Variants in ZNF560 observed in about 807,000 individuals in gnomAD.
The protein encoded by ZNF560 is zinc finger protein 560.
A neutral mutation model predicts 81.8 loss-of-function variants in ZNF560; 54 were observed. That is an observed-to-expected ratio of 0.66 (90% CI 0.53 to 0.83). The LOEUF is 0.83. ZNF560 is among the 40% of genes least tolerant of loss of function. The pLI, the probability that ZNF560 is intolerant of heterozygous loss-of-function variation, is 0.00. For missense variants in ZNF560, 940 were observed against 932.4 expected (o/e 1.01, Z -0.11); for synonymous variants, 321 against 317.9 (o/e 1.01, Z -0.10).
intron 2 of ZNF560, among the ~76,000 whole-genome samples, chr19:9,476,824 C>A (rs1436967392): frequency 6.6e-6 from 1 of 152,122 alleles, no homozygotes; most frequent in East Asian, 1.9e-4. Flanking sequence ...TGAGAACAGA[C>A]TAATATGGTT....
At chr19:9,471,274 A>G in intron 6 of ZNF560, 22 bp downstream of exon 6, 1 of 1,535,500 alleles carries the variant, frequency 6.5e-7, no homozygotes, top group Non-Finnish European at 8.8e-7. Flanking sequence ...GAAAAATAAG[A>G]AATACCCTTT....
the ZNF560 span, among the ~76,000 whole-genome samples, chr19:9,458,361 G>A: frequency 1.3e-5 from 2 of 152,220 alleles, no homozygotes; most frequent in African/African-American, 4.8e-5. Flanking sequence ...TCGCAGATGG[G>A]TCTAGTAATG....
At chr19:9,504,698 C>G in the ZNF560 span, among the ~76,000 whole-genome samples, 11 of 152,122 alleles carry the variant, frequency 7.2e-5, no homozygotes, top group African/African-American at 2.7e-4. Context: ...TCTATTTCTC[C>G]CTTAAGTTTT....
At chr19:9,452,086 AAAAGTG>A in the ZNF560 span, among the ~76,000 whole-genome samples, 1 of 152,148 alleles carries the variant, frequency 6.6e-6, no homozygotes, top group Non-Finnish European at 1.5e-5. Context: ...AGCCAAAAAA[AAAAGTG>A]GGGGGCAGGG....
chr19:9,484,925 C>T (rs977922972), intron 2 of ZNF560, among the ~76,000 whole-genome samples: 1 of 151,702 alleles, frequency 6.6e-6, no homozygotes, highest in Admixed American at 6.6e-5. Flanking sequence ...CTGTTAACTA[C>T]AGAAATACAA....
Position 9,469,656 on chromosome 19 carries a change from A to C in ZNF560, c.503T>G (p.Leu168Trp). 1.9e-6 allele frequency: 3 copies of C among 1,614,196 alleles called. No homozygotes were observed. The African/African-American group carries it at 4.0e-5, about 22-fold the overall frequency. Residue 168 changes from leucine to tryptophan, a missense_variant, in exon 8 of 10, where the codon TTG becomes TGG. Physicochemically the swap from Leu to Trp is moderately conservative, Grantham distance 61 (BLOSUM62 -2). Transcript: ENST00000301480. ...LISWLEEEEELSTLPRVLQEW... is the reference protein window; with the variant it reads ...LISWLEEEEEWSTLPRVLQEW... The stretch of plus-strand genomic sequence containing the variant: ...TTGGAGAACTCTTGGCAGTGTGCTC[A>C]ACTCTTCCTCTTCCTCCAGCCAAGA...
Position 9,466,576 on chromosome 19 carries a change from AGT to A in ZNF560, c.2369_2370del (p.His790LeufsTer21). On this transcript the variant is annotated frameshift_variant, in exon 10 of 10. Coordinates refer to ENST00000301480, the MANE Select transcript of ZNF560 (RefSeq NM_152476.3). LOFTEE classifies it high-confidence loss of function. Reference protein sequence around the residue: ...FSARIAHLKTH With the variant: ...FSARIAHLKTX The stretch of plus-strand genomic sequence containing the variant: ...CTTCACATCCACAGGGCTTCTCTCT[AGT>A]GTGTTTTCAAATGTGCAATACGAGC... 1.3e-6 allele frequency: 2 copies of A among 1,588,612 alleles called. No individual in the cohort carries two copies. The highest frequency in any genetic ancestry group is 1.7e-6 in the Non-Finnish European group (2 of 1,165,728).
intron 2 of ZNF560, 128 bp from the exon 3 acceptor site, chr19:9,475,497 C>T (rs1027977520): frequency 1.2e-5 from 7 of 592,700 alleles, no homozygotes; most frequent in Admixed American, 3.3e-5. Flanking sequence ...ATATACATTA[C>T]ATCCATAAAA....
At chr19:9,490,280 A>C (rs924752313) in intron 2 of ZNF560, among the ~76,000 whole-genome samples, 5 of 152,334 alleles carry the variant, frequency 3.3e-5, no homozygotes, top group African/African-American at 1.2e-4. Flanking sequence ...AGACTACAGG[A>C]GATAACAATC....
In ZNF560 at chr19:9,466,714, A is replaced by G; in HGVS notation, c.2233T>C (p.Cys745Arg). The change falls in exon 10 of 10, where the codon TGT becomes CGT. Residue 745 changes from cysteine (C) to arginine (R), a missense_variant. Cys to Arg is a radical substitution (Grantham distance 180, BLOSUM62 -3). Transcript: ENST00000301480. ...TGEKPYKCKECGKAFRTSSGR... is the reference protein window; with the variant it reads ...TGEKPYKCKERGKAFRTSSGR... ...GAGGATGTACGGAAGGCCTTCCCACATTCCTTACATTTATAGGGCTTCTCT... is the reference window on the plus strand; with the variant it reads ...GAGGATGTACGGAAGGCCTTCCCACGTTCCTTACATTTATAGGGCTTCTCT... 5 of 1,614,150 alleles carry G rather than the reference A, an allele frequency of 3.1e-6. No homozygotes were observed. Among genetic ancestry groups the G allele is most frequent in the Non-Finnish European group, 4.2e-6 (5 of 1,180,022 alleles).
At chr19:9,506,207 G>T in the ZNF560 span, among the ~76,000 whole-genome samples, 1 of 151,994 alleles carries the variant, frequency 6.6e-6, no homozygotes, top group African/African-American at 2.4e-5. Flanking sequence ...TGGCCACGCT[G>T]GTCTCGAACT....
chr19:9,501,505 T>C (rs1410631840), upstream of ZNF560, among the ~76,000 whole-genome samples: 2 of 151,568 alleles, frequency 1.3e-5, no homozygotes, highest in Non-Finnish European at 2.9e-5. Context: ...ACTACAGGTG[T>C]GCATCACCAC....
chr19:9,468,101 G>A lies in ZNF560; in HGVS notation c.846C>T (p.Val282=). 7 of 1,614,088 alleles carry A rather than the reference G, an allele frequency of 4.3e-6. No individual in the cohort carries two copies. Among genetic ancestry groups the A allele is most frequent in the Non-Finnish European group, 5.9e-6 (7 of 1,180,000 alleles). Residue 282 remains valine, a synonymous_variant, in exon 10 of 10, where the codon GTC becomes GTT. Coordinates refer to ENST00000301480, the MANE Select transcript of ZNF560 (RefSeq NM_152476.3). ...KSFRLILNVQ[V]QRKCTQDKSF... ...ATTTATCTTGTGTACACTTTCTCTGGACCTGAACATTTAAAATCAGGCGGA... is the reference window on the plus strand; with the variant it reads ...ATTTATCTTGTGTACACTTTCTCTGAACCTGAACATTTAAAATCAGGCGGA...
the ZNF560 span, among the ~76,000 whole-genome samples, chr19:9,505,492 TTC>T: frequency 6.6e-6 from 1 of 152,224 alleles, no homozygotes; most frequent in Non-Finnish European, 1.5e-5. Flanking sequence ...GCATGACTTT[TTC>T]TTGGAGTGTT....
upstream of ZNF560, among the ~76,000 whole-genome samples, chr19:9,499,502 T>A (rs543419684): frequency 1.3e-5 from 2 of 152,236 alleles, no homozygotes; most frequent in East Asian, 3.9e-4. Flanking sequence ...CCTGGCCTTA[T>A]TGTATTTTTT....
upstream of ZNF560, among the ~76,000 whole-genome samples, chr19:9,502,990 G>A (rs2073643860): frequency 6.6e-6 from 1 of 151,886 alleles, no homozygotes; most frequent in Non-Finnish European, 1.5e-5. Context: ...TCTTCTGTTA[G>A]ATTAGTTTAC....
At chr19:9,472,557 A>C (rs915368633) in intron 5 of ZNF560, among the ~76,000 whole-genome samples, 1 of 152,150 alleles carries the variant, frequency 6.6e-6, no homozygotes, top group Non-Finnish European at 1.5e-5. Flanking sequence ...CCTTTTGAGA[A>C]TCTAATGCCT....
chr19:9,466,523 G>C lies in ZNF560; in HGVS notation c.*51C>G. On this transcript the variant is annotated 3_prime_UTR_variant, in exon 10 of 10. Transcript: ENST00000301480. Reference sequence around the variant, plus strand: ...AATTTTTACATGTTCAGTTAGGCTTGAGGAAACAGCAAAGGTTTTTCCACA... The same window carrying C: ...AATTTTTACATGTTCAGTTAGGCTTCAGGAAACAGCAAAGGTTTTTCCACA... The C allele has an allele frequency of 6.7e-7, 1 of 1,502,856 alleles. No individual in the cohort carries two copies. The highest frequency in any genetic ancestry group is 2.2e-5 in the Admixed American group (1 of 45,504). 93.1% of individuals were successfully genotyped at this position (1,502,856 alleles called of 1,614,324 possible).
rs74511102 is a variant in ZNF560, at chr19:9,492,798, T to C, written c.-57+5330A>G. On this transcript the variant is annotated intron_variant, in intron 2 of 9. Transcript: ENST00000301480. ...CAGAACAAACAGGCCCAGGAATTGA[T>C]GGGTGAAGGCAGAATTAGCTCTAAG... 2.5e-3 allele frequency among the ~76,000 whole-genome samples: 386 copies of C among 152,270 alleles called. 2 individuals carry two copies. Among genetic ancestry groups the C allele is most frequent in the African/African-American group, 9.0e-3 (376 of 41,550 alleles).
Sources: allele counts gnomAD v4.1 joint callset (sites outside exome capture counted in the v4.1 genomes callset), GRCh38; gene constraint gnomAD v4.1.1; transcripts MANE v1.5; gene names NCBI Gene and HGNC (gene_info 2026-07-23, HGNC 2026-07-21).